The following CPLX1 variants were observed in gnomAD, a reference collection of about 807,000 sequenced individuals.
CPLX1 encodes complexin 1.
A neutral mutation model predicts 15.6 loss-of-function variants in CPLX1; 6 were observed. That is an observed-to-expected ratio of 0.39 (90% CI 0.21 to 0.76). CPLX1 has a LOEUF of 0.76. Among genes scored for constraint, CPLX1 ranks in the 30% least tolerant of loss-of-function variants. The pLI is 0.43. For missense variants in CPLX1, 242 were observed against 188.6 expected (o/e 1.28, Z -1.66); for synonymous variants, 91 against 75.2 (o/e 1.21, Z -1.08).
At chr4:824,949 C>T in intron 1 of CPLX1, 1 of 367,256 alleles carries the variant, frequency 2.7e-6, no homozygotes. Context: ...AGCTCAGTGT[C>T]TGGAGCGGCG....
intron 2 of CPLX1, among the ~76,000 whole-genome samples, chr4:805,190 C>T (rs546484431): frequency 6.6e-6 from 1 of 152,324 alleles, no homozygotes; most frequent in Non-Finnish European, 1.5e-5. Flanking sequence ...GGCAGACAAA[C>T]GCGCCGCAGA....
intron 2 of CPLX1, among the ~76,000 whole-genome samples, chr4:819,331 G>A (rs1383704807): frequency 6.6e-6 from 1 of 152,242 alleles, no homozygotes; most frequent in Non-Finnish European, 1.5e-5. Flanking sequence ...CTCTCTGGAG[G>A]AAAGGACTGC....
chr4:789,937 C>T (rs899274554), intron 3 of CPLX1, among the ~76,000 whole-genome samples: 1 of 76,538 alleles, frequency 1.3e-5, no homozygotes, highest in Non-Finnish European at 2.5e-5. Context: ...CAGGTGGCCA[C>T]GCCTGAAGGC....
intron 3 of CPLX1, among the ~76,000 whole-genome samples, chr4:790,220 GGCCTGAGGGGCCAGT>G (rs540336030): frequency 3.2e-3 from 494 of 152,344 alleles, no homozygotes; most frequent in African/African-American, 0.011. Flanking sequence ...GTGCTTCCAA[GGCCTGAGGGGCCAGT>G]GGGCTGCGGA....
At chr4:794,234 C>G (rs1577472025) in intron 2 of CPLX1, among the ~76,000 whole-genome samples, 1 of 152,236 alleles carries the variant, frequency 6.6e-6, no homozygotes, top group Non-Finnish European at 1.5e-5. Context: ...CAGGGCCATG[C>G]CTGCATCCTG....
intron 2 of CPLX1, among the ~76,000 whole-genome samples, 178 bp downstream of exon 2, chr4:824,314 G>T (rs903772060): frequency 6.6e-6 from 1 of 152,248 alleles, no homozygotes. Context: ...AAAAGGGCCG[G>T]GCTGGGGGCG....
chr4:788,363 G>A, intron 3 of CPLX1: 1 of 985,310 alleles, frequency 1.0e-6, no homozygotes, highest in Non-Finnish European at 1.2e-6. Flanking sequence ...GCCACCTTCA[G>A]TGAGATGGAA....
chr4:818,146 C>A (rs1746795481), intron 2 of CPLX1, among the ~76,000 whole-genome samples: 1 of 152,222 alleles, frequency 6.6e-6, no homozygotes, highest in Non-Finnish European at 1.5e-5. Context: ...GCCTGCTGCC[C>A]GAGAGGCCCC....
intron 2 of CPLX1, among the ~76,000 whole-genome samples, chr4:798,469 A>C (rs763498182): frequency 2.1e-4 from 32 of 152,294 alleles, no homozygotes; most frequent in Middle Eastern, 3.4e-3. Context: ...TGCAATGCAG[A>C]GGCTCAATCA....
intron 2 of CPLX1, among the ~76,000 whole-genome samples, chr4:792,997 G>C (rs1304994546): frequency 2.0e-5 from 3 of 152,198 alleles, no homozygotes; most frequent in Non-Finnish European, 2.9e-5. Flanking sequence ...ATGTGGTTCT[G>C]TGTTTGTGTC....
chr4:786,917 TGGG>T, intron 3 of CPLX1: 1 of 977,926 alleles, frequency 1.0e-6, no homozygotes, highest in Non-Finnish European at 1.2e-6. Flanking sequence ...GGAGCTGACA[TGGG>T]GGGGAGCAGG....
At chr4:821,681 TGTG>T (rs975224203) in intron 2 of CPLX1, among the ~76,000 whole-genome samples, 2 of 152,186 alleles carry the variant, frequency 1.3e-5, no homozygotes, top group Admixed American at 1.3e-4. Context: ...ACCCACGTGT[TGTG>T]GGGGGAGGCC....
At chr4:787,231 G>A (rs1746024859) in intron 3 of CPLX1, 1 of 985,270 alleles carries the variant, frequency 1.0e-6, no homozygotes, top group Non-Finnish European at 1.2e-6. Flanking sequence ...TCCGTGGGCA[G>A]CCGGCAGAGG....
chr4:810,142 T>C (rs1022746227), intron 2 of CPLX1, among the ~76,000 whole-genome samples: 8 of 149,428 alleles, frequency 5.4e-5, no homozygotes, highest in African/African-American at 1.7e-4. Flanking sequence ...CTCCGCCTCC[T>C]GGGCTCACAC....
At chr4:804,976 G>T in intron 2 of CPLX1, 1 of 977,802 alleles carries the variant, frequency 1.0e-6, no homozygotes, top group Non-Finnish European at 1.2e-6. Context: ...GCGGCGGCCG[G>T]CTAGGGCGGG....
rs568055517 is a variant in CPLX1 at position 825,360 on chromosome 4, C to T, written c.-80+686G>A. Among the ~76,000 whole-genome samples, 16 of 152,322 alleles carry T rather than the reference C, an allele frequency of 1.1e-4. No homozygotes were observed. In the East Asian group the frequency reaches 2.5e-3, roughly 24 times the overall value. On this transcript the variant is annotated intron_variant, in intron 1 of 3. Transcript: ENST00000304062. ...GAGAGACACTGTTTGACGGTTCACC[C>T]CTCGCCCTCCGCAGAGGAAGGAGAC... is the stretch of plus-strand genomic sequence containing the variant.
intron 1 of CPLX1, chr4:824,856 C>A: frequency 1.9e-6 from 1 of 525,548 alleles, no homozygotes; most frequent in Non-Finnish European, 3.6e-6. Flanking sequence ...GCTTAGGGGG[C>A]ATCGCTCAGA....
At chr4:822,329 C>G (rs1351643557) in intron 2 of CPLX1, among the ~76,000 whole-genome samples, 2 of 151,592 alleles carry the variant, frequency 1.3e-5, no homozygotes. Flanking sequence ...CCCTCTGCTC[C>G]CATCTCTCCC....
chr4:788,446 C>T, intron 3 of CPLX1: 1 of 985,398 alleles, frequency 1.0e-6, no homozygotes, highest in Non-Finnish European at 1.2e-6. Context: ...GGGCCGTGGG[C>T]TCGCCCTAGT....
Sources: gnomAD v4.1 joint callset for allele counts (sites outside exome capture counted in the v4.1 genomes callset) on GRCh38, gnomAD v4.1.1 for gene constraint, MANE v1.5 for transcripts, NCBI Gene and HGNC (gene_info 2026-07-23, HGNC 2026-07-21) for gene names.